Variants in TENM3 observed in about 807,000 individuals in gnomAD.
TENM3 encodes the protein teneurin-3.
TENM3 carries 63 observed loss-of-function variants against 255.1 expected under a neutral mutation model. The observed-to-expected ratio is 0.25, with a 90% CI of 0.20 to 0.30. TENM3 has a LOEUF of 0.30. Ranked by LOEUF, TENM3 falls within the 10% of genes least tolerant of loss-of-function variation. The probability of loss-of-function intolerance (pLI) is 1.00; values close to 1 mark genes in which losing one functional copy is unlikely to be tolerated. For missense variants in TENM3, 2,929 were observed against 3,461.1 expected (o/e 0.85, Z 3.86); for synonymous variants, 1,306 against 1,322.3 (o/e 0.99, Z 0.27).
chr4:182,359,072 C>T (rs368712738), intron 3 of TENM3, among the ~76,000 whole-genome samples: 1 of 151,600 alleles, frequency 6.6e-6, no homozygotes, highest in East Asian at 2.0e-4. Flanking sequence ...ATGAAGCCCA[C>T]TTGATCATGG....
At chr4:181,584,093 A>G in the TENM3 span, among the ~76,000 whole-genome samples, 1 of 152,236 alleles carries the variant, frequency 6.6e-6, no homozygotes, top group African/African-American at 2.4e-5. Flanking sequence ...TTACATGAGT[A>G]GCACTGACAT....
At chr4:181,867,270 C>T in the TENM3 span, among the ~76,000 whole-genome samples, 2 of 152,214 alleles carry the variant, frequency 1.3e-5, no homozygotes, top group African/African-American at 2.4e-5. Context: ...AATTTCCCCT[C>T]CTATTTCCAT....
At chr4:182,068,968 C>CGGAA in the TENM3 span, among the ~76,000 whole-genome samples, 1 of 151,434 alleles carries the variant, frequency 6.6e-6, no homozygotes, top group Non-Finnish European at 1.5e-5. Context: ...GAGAAGCTTC[C>CGGAA]ACATGGAAAA....
chr4:181,605,484 AAG>A, the TENM3 span, among the ~76,000 whole-genome samples: 97 of 7,838 alleles, frequency 0.012, 1 homozygote, highest in African/African-American at 0.037. Context: ...GAAACAGAGA[AAG>A]AAAGAAAGAA....
the TENM3 span, among the ~76,000 whole-genome samples, chr4:181,528,401 T>C: frequency 1.3e-5 from 2 of 152,198 alleles, no homozygotes; most frequent in East Asian, 1.9e-4. Flanking sequence ...TGTGACACTA[T>C]AGTCTTCGAG....
chr4:181,750,862 C>T, the TENM3 span, among the ~76,000 whole-genome samples: 6 of 152,214 alleles, frequency 3.9e-5, no homozygotes, highest in East Asian at 1.9e-4. Flanking sequence ...GATCAGTACG[C>T]GACAGGAGTG....
intron 11 of TENM3, 77 bp from the exon 12 acceptor site, chr4:182,688,089 T>TA (rs1425524868): frequency 2.2e-6 from 3 of 1,339,892 alleles, no homozygotes; most frequent in Admixed American, 5.0e-5. Context: ...GTGTGGAAGA[T>TA]AAAAGCTGCT....
chr4:182,030,049 A>T, the TENM3 span, among the ~76,000 whole-genome samples: 1 of 22,452 alleles, frequency 4.5e-5, no homozygotes, highest in African/African-American at 1.1e-4. Flanking sequence ...CAATCAATGC[A>T]TCTTTGTTGT....
At chr4:182,034,975 G>A in the TENM3 span, among the ~76,000 whole-genome samples, 2 of 152,058 alleles carry the variant, frequency 1.3e-5, no homozygotes, top group Non-Finnish European at 2.9e-5. Flanking sequence ...CCTGAAGTGT[G>A]TTTTCCAGCT....
chr4:181,893,384 T>G, the TENM3 span, among the ~76,000 whole-genome samples: 1 of 152,100 alleles, frequency 6.6e-6, no homozygotes, highest in South Asian at 2.1e-4. Context: ...ATGTTAATTT[T>G]TATTATAATG....
intron 3 of TENM3, among the ~76,000 whole-genome samples, chr4:182,390,518 G>C (rs1468941349): frequency 1.3e-5 from 2 of 152,156 alleles, no homozygotes; most frequent in Non-Finnish European, 2.9e-5. Flanking sequence ...CCAGTTTCGA[G>C]TTTGCTAACA....
chr4:182,547,873 C>A (rs1182721171), intron 3 of TENM3, among the ~76,000 whole-genome samples: 1 of 152,042 alleles, frequency 6.6e-6, no homozygotes, highest in Non-Finnish European at 1.5e-5. Context: ...TTTATTGTAG[C>A]CACAGAAATT....
At chr4:182,494,166 A>C (rs2151604172) in intron 3 of TENM3, among the ~76,000 whole-genome samples, 1 of 152,212 alleles carries the variant, frequency 6.6e-6, no homozygotes, top group African/African-American at 2.4e-5. Context: ...TGTGTTAAGC[A>C]AGAAACTGGG....
rs1157448732 is a variant in TENM3 at position 182,777,547 on chromosome 4, CTTTTTTTTTTTTTT to C, written c.5304+2409_5304+2422del. ...TGTGTGTGTGTGTGTGTGTGTATTT[CTTTTTTTTTTTTTT>C]TTTTTTTTTTTTTTGAGATGGAGTT... On this transcript the variant is annotated intron_variant, in intron 24 of 27. Coordinates refer to ENST00000511685, the MANE Select transcript of TENM3 (RefSeq NM_001080477.4). Among the ~76,000 whole-genome samples the C allele has an allele frequency of 1.7e-3, 78 of 45,474 alleles. 1 individual carries two copies. Among genetic ancestry groups the C allele is most frequent in the Admixed American group, 5.3e-3 (16 of 3,014 alleles). The allele number at this position is 45,474 out of a possible 152,430, so 29.8% of individuals were successfully genotyped here.
intron 16 of TENM3, among the ~76,000 whole-genome samples, chr4:182,734,628 G>A (rs1051408305): frequency 2.6e-5 from 4 of 152,182 alleles, no homozygotes; most frequent in African/African-American, 9.7e-5. Flanking sequence ...GCAGGACATG[G>A]TTCCTAACCG....
the TENM3 span, among the ~76,000 whole-genome samples, chr4:181,621,435 T>C: frequency 6.6e-6 from 1 of 152,212 alleles, no homozygotes; most frequent in East Asian, 1.9e-4. Flanking sequence ...TAACTACTCA[T>C]TTTTCCCATA....
chr4:182,736,691 A>C (rs867943224), intron 16 of TENM3, 117 bp from the exon 17 acceptor site: 1 of 994,860 alleles, frequency 1.0e-6, no homozygotes. Flanking sequence ...TGAGTAAGTA[A>C]ACTAAGACAC....
Position 182,688,206 on chromosome 4 carries a change from G to T in TENM3, c.2076G>T (p.Met692Ile), listed in dbSNP as rs749784092. 4 of 1,611,730 alleles carry T rather than the reference G, an allele frequency of 2.5e-6. No individual in the cohort carries two copies. The South Asian group carries it at 3.3e-5, about 13-fold the overall frequency. Residue 692 changes from methionine to isoleucine, a missense_variant, in exon 12 of 28, where the codon ATG becomes ATT. By Grantham distance (10) the Met-to-Ile change is conservative. Coordinates refer to ENST00000511685, the MANE Select transcript of TENM3 (RefSeq NM_001080477.4). ...ACTGTGGCTCACACGGCGTTTGCAT[G>T]GGGGGGACGTGTCGCTGTGAAGAAG... Reference protein sequence around the residue: ...SVDCGSHGVCMGGTCRCEEGW... With the variant: ...SVDCGSHGVCIGGTCRCEEGW...
chr4:181,581,212 T>C, the TENM3 span, among the ~76,000 whole-genome samples: 1 of 151,930 alleles, frequency 6.6e-6, no homozygotes, highest in African/African-American at 2.4e-5. Flanking sequence ...AGGCCGAGGC[T>C]GGTGGATCGC....
Sources: allele counts gnomAD v4.1 joint callset (sites outside exome capture counted in the v4.1 genomes callset), GRCh38; gene constraint gnomAD v4.1.1; transcripts MANE v1.5; gene names NCBI Gene and HGNC (gene_info 2026-07-23, HGNC 2026-07-21).